Variants in DMD observed in about 807,000 individuals in gnomAD.
DMD encodes dystrophin.
Under a neutral mutation model 330.1 loss-of-function variants are expected in DMD, and 63 were observed. That is an observed-to-expected ratio of 0.19 (90% CI 0.16 to 0.24). The LOEUF (loss-of-function observed/expected upper bound fraction) is 0.24, where lower values mean the gene tolerates loss of function less well. Ranked by LOEUF, DMD falls within the 10% of genes least tolerant of loss-of-function variation. The pLI is 1.00. For missense variants in DMD, 3,344 were observed against 2,684.1 expected (o/e 1.25, Z -5.43); for synonymous variants, 1,223 against 959.8 (o/e 1.27, Z -5.07).
intron 50 of DMD, among the ~76,000 whole-genome samples, chrX:31,795,714 C>G (rs2091795318): frequency 8.9e-6 from 1 of 111,764 alleles, no homozygotes; most frequent in African/African-American, 3.3e-5. Context: ...AATATGCCAA[C>G]AATTAATCTC....
rs746284311 is a variant in DMD, at chrX:31,463,969, A to G, written c.8937+14137T>C. On this transcript the variant is annotated intron_variant, in intron 59 of 78. Coordinates refer to ENST00000357033, the MANE Select transcript of DMD (RefSeq NM_004006.3). ...CATTTGTATATCCTCTAATACTGAG[A>G]GTATATTACTTAAGTTTTTTGAATA... 2.7e-5 allele frequency among the ~76,000 whole-genome samples: 3 copies of G among 111,612 alleles called. No individual in the cohort carries two copies. In the South Asian group the frequency reaches 1.1e-3, roughly 42 times the overall value.
chrX:32,765,064 ATTATCTAC>A (rs755293574), intron 7 of DMD, among the ~76,000 whole-genome samples: 13 of 108,756 alleles, frequency 1.2e-4, no homozygotes, highest in African/African-American at 4.3e-4. Context: ...AGCGATATCG[ATTATCTAC>A]TCATGGTCTT....
chrX:31,252,306 G>C (rs181278450), intron 63 of DMD, among the ~76,000 whole-genome samples: 1,613 of 112,162 alleles, frequency 0.014, 36 homozygotes, highest in African/African-American at 0.049. Flanking sequence ...AATGTCATAT[G>C]GATTCCAGTT....
intron 50 of DMD, among the ~76,000 whole-genome samples, chrX:31,801,950 G>A (rs2092087166): frequency 9.0e-6 from 1 of 111,299 alleles, no homozygotes; most frequent in Admixed American, 9.6e-5. Flanking sequence ...TGAAAAGTGA[G>A]TAGGTATGAG....
At chrX:33,320,839 A>G (rs1409455507) in intron 1 of DMD, among the ~76,000 whole-genome samples, 1 of 112,304 alleles carries the variant, frequency 8.9e-6, no homozygotes, top group Non-Finnish European at 1.9e-5. Flanking sequence ...AATATTCTAA[A>G]TCCTTTGTTG....
chrX:32,544,330 T>C (rs751465931), intron 17 of DMD, among the ~76,000 whole-genome samples: 2 of 112,298 alleles, frequency 1.8e-5, no homozygotes, highest in African/African-American at 6.5e-5. Flanking sequence ...TGTGTTCTTT[T>C]CAAACTTCTC....
chrX:32,530,182 C>T (rs748599372), intron 17 of DMD, among the ~76,000 whole-genome samples: 82 of 112,084 alleles, frequency 7.3e-4, no homozygotes, highest in Non-Finnish European at 1.3e-3. Flanking sequence ...TTATGGCATA[C>T]CGAATTATAT....
At chrX:32,356,379 TAAAAAAAAAAA>T (rs71888370) in intron 37 of DMD, among the ~76,000 whole-genome samples, 1 of 52,740 alleles carries the variant, frequency 1.9e-5, no homozygotes, top group Non-Finnish European at 3.5e-5. Flanking sequence ...TGAATGGAAG[TAAAAAAAAAAA>T]AAAAAAAAAA....
At chrX:32,115,838 C>T (rs1311094795) in intron 44 of DMD, among the ~76,000 whole-genome samples, 1 of 111,605 alleles carries the variant, frequency 9.0e-6, no homozygotes, top group East Asian at 2.8e-4. Context: ...GACCCCACCA[C>T]TCCACCCTAG....
At chrX:31,726,030 T>C (rs763875152) in intron 52 of DMD, among the ~76,000 whole-genome samples, 148 of 111,860 alleles carry the variant, frequency 1.3e-3, no homozygotes, top group African/African-American at 4.7e-3. Flanking sequence ...CAGAAGAAAA[T>C]GGCCAGGAAT....
intron 9 of DMD, among the ~76,000 whole-genome samples, chrX:32,672,236 G>A (rs1270992381): frequency 1.8e-5 from 2 of 110,632 alleles, no homozygotes; most frequent in African/African-American, 6.5e-5. Flanking sequence ...TTGATTGATA[G>A]AGGGCAGTCC....
chrX:32,993,441 T>TTAA (rs2093033355), intron 2 of DMD, among the ~76,000 whole-genome samples: 1 of 109,474 alleles, frequency 9.1e-6, no homozygotes, highest in East Asian at 2.9e-4. Flanking sequence ...CCGTCTCTAC[T>TTAA]AAAATACAAT....
intron 2 of DMD, among the ~76,000 whole-genome samples, chrX:32,909,779 A>T (rs1468766924): frequency 8.9e-6 from 1 of 112,479 alleles, no homozygotes; most frequent in African/African-American, 3.2e-5. Context: ...AAAGTAAAGA[A>T]AAAGTGGGAA....
At position 32,679,902 on chromosome X, in the gene DMD, C is replaced by CTTTTTTTTTTTTTTTTTTTTTT. The variant is rs766270656; in HGVS notation, c.960+17946_960+17967dup. On this transcript the variant is annotated intron_variant, in intron 9 of 78. Transcript: ENST00000357033. ...TGTTCGTTTCGCTCTAATATTTGTA[C>CTTTTTTTTTTTTTTTTTTTTTT]TTTTTTTTTTTTTTTTTTTTTTTTT... Among the ~76,000 whole-genome samples, 4 of 23,597 alleles carry CTTTTTTTTTTTTTTTTTTTTTT rather than the reference C, an allele frequency of 1.7e-4. 1 individual carries two copies. The highest frequency in any genetic ancestry group is 7.1e-4 in the African/African-American group (4 of 5,634). The allele number at this position is 23,597 out of a possible 115,157, so 20.5% of individuals were successfully genotyped here.
At chrX:33,078,803 A>G (rs140539107) in intron 1 of DMD, among the ~76,000 whole-genome samples, 1,182 of 112,050 alleles carry the variant, frequency 0.011, 16 homozygotes, top group African/African-American at 0.036. Context: ...ACAATTTTAC[A>G]TAACAATTAT....
At chrX:32,584,537 C>T (rs1259795507) in intron 13 of DMD, among the ~76,000 whole-genome samples, 1 of 111,659 alleles carries the variant, frequency 9.0e-6, no homozygotes, top group Non-Finnish European at 1.9e-5. Context: ...ATTTTCTGAA[C>T]AGAATATGTA....
chrX:32,236,208 A>G (rs1020965434), intron 43 of DMD, among the ~76,000 whole-genome samples: 38 of 111,966 alleles, frequency 3.4e-4, no homozygotes, highest in African/African-American at 9.4e-4. Context: ...AGGAATGCCA[A>G]TTAGACTGAC....
intron 1 of DMD, among the ~76,000 whole-genome samples, chrX:33,057,794 G>A (rs1187971523): frequency 8.9e-6 from 1 of 112,341 alleles, no homozygotes; most frequent in Non-Finnish European, 1.9e-5. Context: ...TTGTGTTTAT[G>A]AAGTTCGTTC....
intron 2 of DMD, among the ~76,000 whole-genome samples, chrX:32,936,061 CA>C (rs758258526): frequency 1.8e-5 from 2 of 109,290 alleles, no homozygotes; most frequent in Admixed American, 9.7e-5. Flanking sequence ...TTCACACACA[CA>C]AAAAAAACTG....
Sources: allele counts gnomAD v4.1 joint callset (sites outside exome capture counted in the v4.1 genomes callset), GRCh38; gene constraint gnomAD v4.1.1; transcripts MANE v1.5; gene names NCBI Gene and HGNC (gene_info 2026-07-23, HGNC 2026-07-21).